MTUS2: variants seen among roughly 807,000 people sequenced by gnomAD.
MTUS2 encodes microtubule associated scaffold protein 2.
MTUS2 carries 40 observed loss-of-function variants against 114.1 expected under a neutral mutation model. That is an observed-to-expected ratio of 0.35 (90% CI 0.27 to 0.46). The LOEUF is 0.46. MTUS2 is among the 20% of genes least tolerant of loss of function. The pLI, the probability that MTUS2 is intolerant of heterozygous loss-of-function variation, is 1.00. For synonymous variants in MTUS2, 688 were observed against 672.0 expected, an observed-to-expected ratio of 1.02 and a Z score of -0.37; for missense variants, 1,679 against 1,705.4, an observed-to-expected ratio of 0.98 and a Z score of 0.27.
At chr13:28,840,962 A>G (rs1181195647) in intron 2 of MTUS2, among the ~76,000 whole-genome samples, 2 of 152,228 alleles carry the variant, frequency 1.3e-5, no homozygotes, top group African/African-American at 4.8e-5. Flanking sequence ...AGTTTCTGCC[A>G]TGTGGTGATT....
At chr13:29,173,065 G>C (rs1893626301) in intron 5 of MTUS2, among the ~76,000 whole-genome samples, 1 of 152,004 alleles carries the variant, frequency 6.6e-6, no homozygotes, top group African/African-American at 2.4e-5. Context: ...TCTGGGACTT[G>C]TTTGTGCTGG....
intron 6 of MTUS2, among the ~76,000 whole-genome samples, chr13:29,287,128 T>C (rs190982805): frequency 6.8e-4 from 104 of 152,332 alleles, no homozygotes; most frequent in Non-Finnish European, 1.4e-3. Flanking sequence ...TTGTCCAAGG[T>C]CACACAATGG....
At chr13:29,447,141 A>C (rs1296971811) in intron 9 of MTUS2, among the ~76,000 whole-genome samples, 3 of 152,186 alleles carry the variant, frequency 2.0e-5, no homozygotes, top group Admixed American at 2.0e-4. Flanking sequence ...AGAAATGTGA[A>C]ATGCTTCTGG....
intron 2 of MTUS2, among the ~76,000 whole-genome samples, chr13:28,840,368 A>G (rs1875391063): frequency 6.6e-6 from 1 of 152,230 alleles, no homozygotes; most frequent in Admixed American, 6.5e-5. Flanking sequence ...CAGAAAGCTT[A>G]AAACATTTGA....
intron 5 of MTUS2, among the ~76,000 whole-genome samples, chr13:29,144,072 A>T (rs1892333197): frequency 6.6e-6 from 1 of 152,200 alleles, no homozygotes; most frequent in African/African-American, 2.4e-5. Context: ...GTGAGTAGGG[A>T]ACAAAAGTAA....
intron 5 of MTUS2, among the ~76,000 whole-genome samples, chr13:29,249,434 T>C (rs555061605): frequency 5.3e-5 from 8 of 152,322 alleles, no homozygotes; most frequent in Non-Finnish European, 1.0e-4. Context: ...CAACAGTGTA[T>C]AAGTGTTCCT....
chr13:29,166,403 C>T (rs1893319179), intron 5 of MTUS2, among the ~76,000 whole-genome samples: 3 of 152,186 alleles, frequency 2.0e-5, no homozygotes, highest in Admixed American at 2.0e-4. Flanking sequence ...AGCTCTTAGT[C>T]ACTGGAACAT....
At chr13:29,421,440 C>T (rs754697406) in intron 8 of MTUS2, among the ~76,000 whole-genome samples, 8 of 152,124 alleles carry the variant, frequency 5.3e-5, no homozygotes, top group East Asian at 3.9e-4. Flanking sequence ...AGTGAGACTG[C>T]GATACAATTT....
chr13:29,351,161 T>C (rs542671153), intron 7 of MTUS2, among the ~76,000 whole-genome samples: 58 of 152,096 alleles, frequency 3.8e-4, no homozygotes, highest in African/African-American at 1.3e-3. Flanking sequence ...GGACAGTTTT[T>C]CTTTTTCCAA....
intron 5 of MTUS2, among the ~76,000 whole-genome samples, chr13:29,149,626 T>A (rs1422495805): frequency 2.0e-5 from 3 of 152,212 alleles, no homozygotes; most frequent in Non-Finnish European, 4.4e-5. Flanking sequence ...TTGCCTAGAT[T>A]TTCTTCTAGG....
chr13:29,012,268 G>A lies in MTUS2; in HGVS notation c.-242-12189G>A, dbSNP rs190327046. ...AGCAGAGGAGCTTGAGTAACTGTCC[G>A]TGCTGCCCTTTCAGTTTGCACCAAC... On this transcript the variant is annotated intron_variant, in intron 2 of 15. Coordinates refer to ENST00000612955, the MANE Select transcript of MTUS2 (RefSeq NM_001033602.4). 9.2e-5 allele frequency among the ~76,000 whole-genome samples: 14 copies of A among 152,206 alleles called. 1 individual carries two copies. The highest frequency in any genetic ancestry group is 4.2e-4 in the South Asian group (2 of 4,814).
At chr13:29,204,773 C>T (rs953772824) in intron 5 of MTUS2, among the ~76,000 whole-genome samples, 5 of 152,226 alleles carry the variant, frequency 3.3e-5, no homozygotes, top group African/African-American at 9.6e-5. Flanking sequence ...AGTCTGCAGC[C>T]GGGACCACGT....
At chr13:29,449,191 A>G (rs1878507155) in intron 9 of MTUS2, among the ~76,000 whole-genome samples, 1 of 152,210 alleles carries the variant, frequency 6.6e-6, no homozygotes, top group Non-Finnish European at 1.5e-5. Context: ...AAATAAAGAT[A>G]TAGAAAAAAA....
chr13:29,337,711 C>T (rs556789023), intron 7 of MTUS2, among the ~76,000 whole-genome samples: 32 of 151,468 alleles, frequency 2.1e-4, no homozygotes, highest in Non-Finnish European at 4.1e-4. Flanking sequence ...AAGTGATTCT[C>T]CTGCCTGAGC....
chr13:29,236,224 C>T (rs112480467), intron 5 of MTUS2, among the ~76,000 whole-genome samples: 52 of 152,260 alleles, frequency 3.4e-4, no homozygotes, highest in African/African-American at 6.7e-4. Flanking sequence ...TTCTTTATAG[C>T]GTCTTCTGTT....
chr13:29,061,218 CTTTTCAA>C (rs370932315), intron 4 of MTUS2, among the ~76,000 whole-genome samples: 237 of 152,282 alleles, frequency 1.6e-3, no homozygotes, highest in African/African-American at 5.6e-3. Flanking sequence ...AGTTTAGTTA[CTTTTCAA>C]TTAGTTTGAT....
At chr13:29,357,404 G>T (rs1329417195) in intron 7 of MTUS2, among the ~76,000 whole-genome samples, 1 of 152,134 alleles carries the variant, frequency 6.6e-6, no homozygotes, top group East Asian at 1.9e-4. Context: ...TAAAAGAAGT[G>T]CCTTCTATTG....
chr13:29,503,229 G>T lies in MTUS2; in HGVS notation c.*23G>T. On this transcript the variant is annotated 3_prime_UTR_variant, in exon 16 of 16. Transcript: ENST00000612955. ...TGACGCCACTACACGGCCTGCGGGA[G>T]CTCCGGCTTCTCGTCCTCCGGTCTC... The T allele has an allele frequency of 1.2e-6, 2 of 1,611,100 alleles. No individual in the cohort carries two copies. The highest frequency in any genetic ancestry group is 1.7e-6 in the Non-Finnish European group (2 of 1,179,434).
chr13:29,133,155 ATTC>A (rs1317079907), intron 5 of MTUS2, among the ~76,000 whole-genome samples: 1 of 151,742 alleles, frequency 6.6e-6, no homozygotes, highest in Admixed American at 6.6e-5. Flanking sequence ...TGCCATTTGT[ATTC>A]TTCTTTGGAG....
Sources: allele counts gnomAD v4.1 joint callset (sites outside exome capture counted in the v4.1 genomes callset), GRCh38; gene constraint gnomAD v4.1.1; transcripts MANE v1.5; gene names NCBI Gene and HGNC (gene_info 2026-07-23, HGNC 2026-07-21).